Variants in USP26 observed in about 807,000 individuals in gnomAD.
USP26 encodes the protein ubiquitin specific peptidase 26, also known as ubiquitin carboxyl-terminal hydrolase 26.
For synonymous variants in USP26, 236 were observed against 240.6 expected (o/e 0.98, Z 0.18); for missense variants, 649 against 642.3 (o/e 1.01, Z -0.11).
intron 5 of USP26, among the ~76,000 whole-genome samples, chrX:133,077,103 C>T (rs1028719821): frequency 8.9e-6 from 1 of 111,845 alleles, no homozygotes; most frequent in African/African-American, 3.3e-5. Context: ...AATACACAAG[C>T]TCTAGGTTAT....
At chrX:133,062,928 C>T (rs1052506780) in intron 5 of USP26, among the ~76,000 whole-genome samples, 2 of 110,900 alleles carry the variant, frequency 1.8e-5, no homozygotes, top group African/African-American at 3.3e-5. Flanking sequence ...TAACAAACTC[C>T]TCTGAGCTAA....
At chrX:133,081,564 G>A (rs2067570421) in intron 5 of USP26, among the ~76,000 whole-genome samples, 1 of 111,591 alleles carries the variant, frequency 9.0e-6, no homozygotes, top group Non-Finnish European at 1.9e-5. Context: ...CCAAAGTGCT[G>A]GGATTACAGG....
intron 5 of USP26, among the ~76,000 whole-genome samples, chrX:133,036,412 A>C (rs939330454): frequency 3.6e-5 from 4 of 110,443 alleles, no homozygotes; most frequent in South Asian, 3.9e-4. Context: ...CCCACTTATG[A>C]GTGAGAACAT....
Position 133,065,025 on chromosome X carries a change from T to TA in USP26, c.-77+18681dup, listed in dbSNP as rs758862652. Among the ~76,000 whole-genome samples, 75 of 110,501 alleles carry TA rather than the reference T, an allele frequency of 6.8e-4. No individual in the cohort carries two copies. The South Asian group carries it at 8.1e-3, about 12-fold the overall frequency. On this transcript the variant is annotated intron_variant, in intron 5 of 5. Coordinates refer to ENST00000511190, the MANE Select transcript of USP26 (RefSeq NM_031907.3). ...AGAGAGAAGAATCAAATAGACACAA[T>TA]AAAAAACGATAAAGGGGGTATCATC... is the stretch of plus-strand genomic sequence containing the variant.
intron 2 of USP26, 82 bp downstream of exon 2, chrX:133,091,271 C>T (rs1479350164): frequency 8.9e-6 from 1 of 112,051 alleles, no homozygotes; most frequent in African/African-American, 3.2e-5. Flanking sequence ...CTGACACCTA[C>T]TTGGTCCTCA....
At chrX:133,036,912 A>G (rs891845281) in intron 5 of USP26, among the ~76,000 whole-genome samples, 2 of 112,474 alleles carry the variant, frequency 1.8e-5, no homozygotes, top group Non-Finnish European at 3.8e-5. Context: ...TTTGATTTGC[A>G]TTTCTCTAAT....
chrX:133,085,909 C>T (rs2067586910), intron 4 of USP26, among the ~76,000 whole-genome samples: 1 of 110,951 alleles, frequency 9.0e-6, no homozygotes, highest in South Asian at 3.9e-4. Flanking sequence ...TCCAGGTACT[C>T]ACTTCCTCCC....
At chrX:133,058,793 T>G (rs185946154) in intron 5 of USP26, among the ~76,000 whole-genome samples, 29 of 111,503 alleles carry the variant, frequency 2.6e-4, no homozygotes, top group Non-Finnish European at 9.4e-5. Context: ...AACCATTTTC[T>G]ATTTATTGTT....
chrX:133,095,598 A>T (rs767547534), intron 1 of USP26, among the ~76,000 whole-genome samples: 1 of 111,830 alleles, frequency 8.9e-6, no homozygotes, highest in Non-Finnish European at 1.9e-5. Context: ...GAAGTTTCCA[A>T]TGCCAACAAT....
chrX:133,025,031 CAA>C lies in USP26; in HGVS notation c.*446_*447del, dbSNP rs35348009. On this transcript the variant is annotated 3_prime_UTR_variant, in exon 6 of 6. Coordinates refer to ENST00000511190, the MANE Select transcript of USP26 (RefSeq NM_031907.3). ...AGTGAGACCCTGTCTCTGCAAAAAG[CAA>C]AAAAAAAAAAAAAAATAGCTAGGCC... is the stretch of plus-strand genomic sequence containing the variant. 8.1e-3 allele frequency: 588 copies of C among 72,593 alleles called. No individual in the cohort carries two copies. Among genetic ancestry groups the C allele is most frequent in the South Asian group, 0.023 (48 of 2,043 alleles). The allele number at this position is 72,593 out of a possible 1,213,427, so 6.0% of individuals were successfully genotyped here.
At chrX:133,040,502 A>C (rs2067414960) in intron 5 of USP26, among the ~76,000 whole-genome samples, 1 of 111,651 alleles carries the variant, frequency 9.0e-6, no homozygotes, top group Admixed American at 9.5e-5. Flanking sequence ...TTTGTTTAAG[A>C]ATGTTGAATA....
chrX:133,069,791 AT>A (rs757001734), intron 5 of USP26, among the ~76,000 whole-genome samples: 1 of 111,748 alleles, frequency 8.9e-6, no homozygotes, highest in Non-Finnish European at 1.9e-5. Flanking sequence ...TTACTTAATG[AT>A]TTTCTCCAAC....
chrX:133,071,536 T>TA (rs148956015), intron 5 of USP26, among the ~76,000 whole-genome samples: 4,809 of 103,074 alleles, frequency 0.047, 134 homozygotes, highest in East Asian at 0.17. Context: ...AAGATTCAAT[T>TA]AAAAAAAAAA....
intron 5 of USP26, among the ~76,000 whole-genome samples, chrX:133,038,152 T>C (rs1391197517): frequency 9.0e-6 from 1 of 111,674 alleles, no homozygotes; most frequent in Non-Finnish European, 1.9e-5. Context: ...GAATGCCCTT[T>C]ATTTCTTTCT....
At position 133,090,132 on chromosome X, in the gene USP26, G is replaced by C. The variant is rs916864495; in HGVS notation, c.-161C>G. 1 of 111,485 alleles carries C rather than the reference G, an allele frequency of 9.0e-6. No homozygotes were observed. The highest frequency in any genetic ancestry group is 3.3e-5 in the African/African-American group (1 of 30,651). The allele number at this position is 111,485 out of a possible 1,213,427, so 9.2% of individuals were successfully genotyped here. A position where few individuals can be genotyped will look rare whatever the true frequency, so the allele number is the denominator to read the frequency against. ...ACATACCTGTAGCCCCAGTTAGGAG[G>C]CTGAGGTGGGAGGATCACTTGAGTT... On this transcript the variant is annotated 5_prime_UTR_variant, in exon 4 of 6. Transcript: ENST00000511190.
At chrX:133,069,529 G>A (rs2067523930) in intron 5 of USP26, among the ~76,000 whole-genome samples, 1 of 110,138 alleles carries the variant, frequency 9.1e-6, no homozygotes, top group African/African-American at 3.3e-5. Flanking sequence ...TGTATTCCCA[G>A]AAAATAAAGG....
At chrX:133,038,955 T>G (rs1277376129) in intron 5 of USP26, among the ~76,000 whole-genome samples, 1 of 111,987 alleles carries the variant, frequency 8.9e-6, no homozygotes, top group African/African-American at 3.2e-5. Flanking sequence ...TGTGTAGAGG[T>G]GTTTATAGTA....
intron 5 of USP26, among the ~76,000 whole-genome samples, chrX:133,062,597 G>A (rs2067497235): frequency 9.0e-6 from 1 of 111,627 alleles, no homozygotes. Context: ...TGTAGCCCCC[G>A]CTGGTAATAC....
At chrX:133,061,819 T>A (rs1364974905) in intron 5 of USP26, among the ~76,000 whole-genome samples, 1 of 111,777 alleles carries the variant, frequency 8.9e-6, no homozygotes, top group Non-Finnish European at 1.9e-5. Flanking sequence ...TCTGTGCTTA[T>A]ACCACCAGGC....
Sources: allele counts gnomAD v4.1 joint callset (sites outside exome capture counted in the v4.1 genomes callset), GRCh38; gene constraint gnomAD v4.1.1; transcripts MANE v1.5; gene names NCBI Gene and HGNC (gene_info 2026-07-23, HGNC 2026-07-21).